Variants in DCAF8L2 observed in about 807,000 individuals in gnomAD.
DCAF8L2 encodes the protein DDB1 and CUL4 associated factor 8 like 2, also known as DDB1- and CUL4-associated factor 8-like protein 2.
For missense variants in DCAF8L2, 430 were observed against 490.7 expected (o/e 0.88, Z 1.17); for synonymous variants, 200 against 190.9 (o/e 1.05, Z -0.39).
chrX:27,746,856 C>T lies in DCAF8L2; in HGVS notation c.-40C>T, dbSNP rs1922196660. 8.7e-7 allele frequency: 1 copy of T among 1,150,556 alleles called. No individual in the cohort carries two copies. The allele number at this position is 1,150,556 out of a possible 1,213,427, so 94.8% of individuals were successfully genotyped here. A position where few individuals can be genotyped will look rare whatever the true frequency, so the allele number is the denominator to read the frequency against. ...TTCCCAGAGCTTTTAGGGGCCTGGC[C>T]TTTGCAGTTCCAGATCTACTACAGC... On this transcript the variant is annotated 5_prime_UTR_variant, in exon 5 of 5. Coordinates refer to ENST00000451261, the MANE Select transcript of DCAF8L2 (RefSeq NM_001353450.2).
At chrX:27,526,471 CT>C in the DCAF8L2 span, among the ~76,000 whole-genome samples, 2 of 112,449 alleles carry the variant, frequency 1.8e-5, no homozygotes, top group African/African-American at 6.5e-5. Context: ...TGGGTTCGAA[CT>C]TCCTCCTTTA....
chrX:27,529,876 C>T, the DCAF8L2 span, among the ~76,000 whole-genome samples: 1 of 111,781 alleles, frequency 8.9e-6, no homozygotes, highest in African/African-American at 3.2e-5. Context: ...ATTGTAGTCT[C>T]ATGGTACACA....
At chrX:27,709,358 A>G (rs1025127682) in intron 3 of DCAF8L2, among the ~76,000 whole-genome samples, 1 of 112,763 alleles carries the variant, frequency 8.9e-6, no homozygotes, top group Non-Finnish European at 1.9e-5. Context: ...ATAACATTAT[A>G]TTAACTTATT....
the DCAF8L2 span, among the ~76,000 whole-genome samples, chrX:27,546,727 C>G: frequency 8.9e-6 from 1 of 112,440 alleles, no homozygotes; most frequent in Non-Finnish European, 1.9e-5. Flanking sequence ...TGAGCTGTAC[C>G]TTGGTCCCTT....
chrX:27,606,287 G>GAATT (rs1926875427), intron 1 of DCAF8L2, among the ~76,000 whole-genome samples: 1 of 68,735 alleles, frequency 1.5e-5, no homozygotes, highest in African/African-American at 5.7e-5. Context: ...ATATATATAG[G>GAATT]AATTATATAT....
intron 1 of DCAF8L2, among the ~76,000 whole-genome samples, chrX:27,630,256 A>T (rs1048471089): frequency 8.9e-6 from 1 of 111,749 alleles, no homozygotes; most frequent in Admixed American, 9.6e-5. Context: ...AAATAATTTT[A>T]CTTCTTTATT....
At chrX:27,669,554 C>T (rs1453971496) in intron 2 of DCAF8L2, among the ~76,000 whole-genome samples, 2 of 109,378 alleles carry the variant, frequency 1.8e-5, no homozygotes, top group African/African-American at 6.7e-5. Flanking sequence ...TATACATGCG[C>T]CATGTTAGTG....
chrX:27,481,306 G>T, the DCAF8L2 span, among the ~76,000 whole-genome samples: 1 of 110,128 alleles, frequency 9.1e-6, no homozygotes, highest in African/African-American at 3.3e-5. Flanking sequence ...TGAACCTAGG[G>T]GATGGAGGTT....
the DCAF8L2 span, among the ~76,000 whole-genome samples, chrX:27,507,149 C>T: frequency 4.5e-5 from 5 of 111,889 alleles, no homozygotes; most frequent in Non-Finnish European, 7.5e-5. Flanking sequence ...TTTTTGTACT[C>T]TTCAAGATAT....
chrX:27,623,946 A>G (rs1259735930), intron 1 of DCAF8L2, among the ~76,000 whole-genome samples: 3 of 111,997 alleles, frequency 2.7e-5, no homozygotes, highest in Admixed American at 9.5e-5. Context: ...AGTACCTCCT[A>G]CTAGGTAGTT....
the DCAF8L2 span, among the ~76,000 whole-genome samples, chrX:27,531,700 A>G: frequency 1.6e-4 from 18 of 111,758 alleles, no homozygotes; most frequent in African/African-American, 5.5e-4. Flanking sequence ...ACAAGGATAA[A>G]CAATCCAGTA....
chrX:27,622,984 T>G (rs1049771820), intron 1 of DCAF8L2, among the ~76,000 whole-genome samples: 1 of 112,158 alleles, frequency 8.9e-6, no homozygotes, highest in African/African-American at 3.2e-5. Context: ...TAAAACATAA[T>G]TCTGTAATAC....
At chrX:27,504,611 A>T in the DCAF8L2 span, among the ~76,000 whole-genome samples, 1 of 110,872 alleles carries the variant, frequency 9.0e-6, no homozygotes, top group Admixed American at 9.7e-5. Context: ...ATCACTCCAA[A>T]TTTTTATTGC....
intron 2 of DCAF8L2, among the ~76,000 whole-genome samples, chrX:27,671,108 A>G (rs1023762230): frequency 9.0e-6 from 1 of 111,588 alleles, no homozygotes; most frequent in African/African-American, 3.3e-5. Context: ...TGTTTTGTCC[A>G]AAATACAGAG....
intron 1 of DCAF8L2, among the ~76,000 whole-genome samples, chrX:27,609,366 G>A (rs371691749): frequency 1.8e-5 from 2 of 111,697 alleles, no homozygotes; most frequent in South Asian, 3.7e-4. Context: ...GCTGTGGAAG[G>A]CACCACTGGA....
chrX:27,471,331 G>T, the DCAF8L2 span, among the ~76,000 whole-genome samples: 5 of 111,438 alleles, frequency 4.5e-5, 1 homozygote, highest in East Asian at 1.4e-3. Flanking sequence ...AAGTGAATTT[G>T]TTGTTTTAGC....
intron 3 of DCAF8L2, among the ~76,000 whole-genome samples, chrX:27,697,782 GCTAT>G (rs1311489097): frequency 9.1e-6 from 1 of 110,112 alleles, no homozygotes; most frequent in African/African-American, 3.3e-5. Context: ...TTATAATCAG[GCTAT>G]CTACTAGGCA....
intron 1 of DCAF8L2, among the ~76,000 whole-genome samples, chrX:27,598,699 T>C (rs1389111421): frequency 2.7e-5 from 3 of 111,508 alleles, no homozygotes; most frequent in East Asian, 5.6e-4. Context: ...GCTCAGACTT[T>C]CTGGACCCTA....
intron 4 of DCAF8L2, among the ~76,000 whole-genome samples, chrX:27,740,092 G>A (rs747466833): frequency 4.5e-5 from 5 of 111,100 alleles, no homozygotes; most frequent in South Asian, 3.8e-4. Flanking sequence ...CTTCCTGTTC[G>A]TAATAGCAAT....
Sources: allele counts gnomAD v4.1 joint callset (sites outside exome capture counted in the v4.1 genomes callset), GRCh38; gene constraint gnomAD v4.1.1; transcripts MANE v1.5; gene names NCBI Gene and HGNC (gene_info 2026-07-23, HGNC 2026-07-21).